IL15RA: variants seen among roughly 807,000 people sequenced by gnomAD.
IL15RA encodes interleukin 15 receptor subunit alpha.
Under a neutral mutation model 24.2 loss-of-function variants are expected in IL15RA, and 26 were observed. That is an observed-to-expected ratio of 1.07 (90% CI 0.79 to 1.49). IL15RA has a LOEUF of 1.49. Among genes scored for constraint, IL15RA ranks in the 40% most tolerant of loss-of-function variants. IL15RA has a pLI of 0.00. For synonymous variants in IL15RA, 166 were observed against 157.6 expected (o/e 1.05, Z -0.40); for missense variants, 354 against 356.4 (o/e 0.99, Z 0.05).
In IL15RA at chr10:5,953,729, T is replaced by C; in HGVS notation, c.693-523A>G. 1 of 232,382 alleles carries C rather than the reference T, an allele frequency of 4.3e-6. No homozygotes were observed. Among genetic ancestry groups the C allele is most frequent in the South Asian group, 9.3e-5 (1 of 10,780 alleles). 14.4% of individuals were successfully genotyped at this position (232,382 alleles called of 1,614,324 possible). A position where few individuals can be genotyped will look rare whatever the true frequency, so the allele number is the denominator to read the frequency against. On this transcript the variant is annotated intron_variant, in intron 6 of 6. Transcript: ENST00000379977. The surrounding 1 kb of genome is among the most constrained non-coding windows in gnomAD (Gnocchi z 5.3). ...AGTTGATCATCTTGAAAAAAGTGAT[T>C]TAATATTCATGAAGCTTTTAAAAAC... is the stretch of plus-strand genomic sequence containing the variant.
chr10:5,966,400 C>A lies in IL15RA; in HGVS notation c.89-61G>T. The A allele has an allele frequency of 7.3e-7, 1 of 1,378,610 alleles. No homozygotes were observed. Among genetic ancestry groups the A allele is most frequent in the Admixed American group, 1.7e-5 (1 of 57,384 alleles). 85.4% of individuals were successfully genotyped at this position (1,378,610 alleles called of 1,614,324 possible). A position where few individuals can be genotyped will look rare whatever the true frequency, so the allele number is the denominator to read the frequency against. On this transcript the variant is annotated intron_variant, in intron 1 of 6. Transcript: ENST00000379977. The surrounding 1 kb of genome is among the most constrained non-coding windows in gnomAD (Gnocchi z 6.4). ...GTTTCCACTTGTAAGAGGCGTTCTC[C>A]AGGCACACGCAGCGGTAGTCAGTGT...
At chr10:5,976,925 C>T (rs892981994) in intron 1 of IL15RA, 1 of 153,292 alleles carries the variant, frequency 6.5e-6, no homozygotes, top group African/African-American at 2.4e-5. Context: ...CCCCACCCTC[C>T]CAGCTCCCAC....
At chr10:5,977,527 GGGCGAGCGCTGCCCAGGCCGGGGGGAGGT>G (rs1838659303) in exon 1 of IL15RA, 2 of 1,308,384 alleles carry the variant, frequency 1.5e-6, no homozygotes, top group South Asian at 2.1e-5. Context: ...TGGACTCCCC[GGGCGAGCGCTGCCCAGGCCGGGGGGAGGT>G]GGCGAGCGCT....
In IL15RA at chr10:5,952,633, C is replaced by A; in HGVS notation, c.*462G>T. ...CAGCTGGAGACAGGGTGGTTAGAAG[C>A]CCAAACGCTGGTGTCTTCCCTGTAG... is the stretch of plus-strand genomic sequence containing the variant. On this transcript the variant is annotated 3_prime_UTR_variant, in exon 7 of 7. Transcript: ENST00000379977. 1 of 174,842 alleles carries A rather than the reference C, an allele frequency of 5.7e-6. No homozygotes were observed. Among genetic ancestry groups the A allele is most frequent in the Middle Eastern group, 2.1e-3 (1 of 470 alleles). 10.8% of individuals were successfully genotyped at this position (174,842 alleles called of 1,614,324 possible).
chr10:5,969,006 T>A, intron 1 of IL15RA: 2 of 1,529,472 alleles, frequency 1.3e-6, no homozygotes, highest in South Asian at 1.2e-5. Context: ...TTGTGTAGGA[T>A]CCTGAGCAAG....
rs373416827 is a variant in IL15RA at position 5,960,356 on chromosome 10, C to T, written c.583+11G>A. On this transcript the variant is annotated intron_variant, in intron 4 of 6. Coordinates refer to ENST00000379977, the MANE Select transcript of IL15RA (RefSeq NM_002189.4). The surrounding 1 kb of genome is among the most constrained non-coding windows in gnomAD (Gnocchi z 5.1). ...GGAACTGACCTCTCCTGGGGCAAAG[C>T]GAGTGCTAACCTGGCGGCTGGTGGG... The T allele has an allele frequency of 2.7e-5, 43 of 1,613,302 alleles. No homozygotes were observed. The highest frequency in any genetic ancestry group is 1.8e-4 in the Admixed American group (11 of 59,992).
At position 5,958,034 on chromosome 10, in the gene IL15RA, G is replaced by C. The variant is rs546186062; in HGVS notation, c.617-1580C>G. ...AGGATTTTATCCTACAGATGTTCTT[G>C]CACCTATGGATTTTCAATTAATGGC... On this transcript the variant is annotated intron_variant, in intron 5 of 6. Transcript: ENST00000379977. This position sits in a 1 kb window ranked among gnomAD's most constrained non-coding sequence, Gnocchi z 4.3. Among the ~76,000 whole-genome samples the C allele has an allele frequency of 6.6e-6, 1 of 152,284 alleles. No individual in the cohort carries two copies. The highest frequency in any genetic ancestry group is 1.9e-4 in the East Asian group (1 of 5,192).
rs1834983354 is a variant in IL15RA at position 5,958,808 on chromosome 10, A to C, written c.616+946T>G. ...ACCACAAAAATATGAGTCATTCTCT[A>C]GCAGAAAAATTTATGAACAGAAGAT... is the stretch of plus-strand genomic sequence containing the variant. On this transcript the variant is annotated intron_variant, in intron 5 of 6. Coordinates refer to ENST00000379977, the MANE Select transcript of IL15RA (RefSeq NM_002189.4). The surrounding 1 kb of genome is among the most constrained non-coding windows in gnomAD (Gnocchi z 4.3). Among the ~76,000 whole-genome samples, 1 of 152,232 alleles carries C rather than the reference A, an allele frequency of 6.6e-6. No individual in the cohort carries two copies. The highest frequency in any genetic ancestry group is 1.5e-5 in the Non-Finnish European group (1 of 68,042).
chr10:5,954,401 G>A (rs1020345401), intron 6 of IL15RA, among the ~76,000 whole-genome samples: 2 of 151,436 alleles, frequency 1.3e-5, no homozygotes, highest in African/African-American at 2.4e-5. Context: ...CACTATGCCC[G>A]ACCATGCCAA....
chr10:5,972,496 G>A (rs8177659), intron 1 of IL15RA, among the ~76,000 whole-genome samples: 1,636 of 152,278 alleles, frequency 0.011, 27 homozygotes, highest in African/African-American at 0.037. Context: ...GACAAGATCA[G>A]CTATAATTAA....
chr10:5,973,086 C>T lies in IL15RA; in HGVS notation c.88+4319G>A, dbSNP rs1032485153. ...AGCAGTCTTCTCAGTTGCTTCTGGC[C>T]ATCGCCCGCAATCTTTCAGACTGAA... On this transcript the variant is annotated intron_variant, in intron 1 of 6. Transcript: ENST00000379977. The surrounding 1 kb of genome is among the most constrained non-coding windows in gnomAD (Gnocchi z 4.5). Among the ~76,000 whole-genome samples the T allele has an allele frequency of 6.6e-6, 1 of 152,198 alleles. No homozygotes were observed. The highest frequency in any genetic ancestry group is 6.5e-5 in the Admixed American group (1 of 15,272).
At chr10:5,977,799 C>T (rs959841102), upstream of IL15RA, 8 of 451,896 alleles carry the variant, frequency 1.8e-5, no homozygotes, top group Non-Finnish European at 2.5e-5. Flanking sequence ...GGGAGCCTCC[C>T]GGTCCTCCGC....
chr10:5,950,340 T>G (rs11256090), downstream of IL15RA, among the ~76,000 whole-genome samples: 9,605 of 152,192 alleles, frequency 0.063, 516 homozygotes, highest in African/African-American at 0.15. This position sits in a 1 kb window ranked among gnomAD's most constrained non-coding sequence, Gnocchi z 5.6. Context: ...TATTGTGTGA[T>G]GCTGAGATTT....
In IL15RA at chr10:5,964,642, T is replaced by G. The variant is rs1836188798; in HGVS notation, c.284-801A>C. Among the ~76,000 whole-genome samples the G allele has an allele frequency of 6.6e-6, 1 of 152,150 alleles. No homozygotes were observed. Among genetic ancestry groups the G allele is most frequent in the Non-Finnish European group, 1.5e-5 (1 of 68,020 alleles). On this transcript the variant is annotated intron_variant, in intron 2 of 6. Coordinates refer to ENST00000379977, the MANE Select transcript of IL15RA (RefSeq NM_002189.4). This position sits in a 1 kb window ranked among gnomAD's most constrained non-coding sequence, Gnocchi z 5.6. ...CCTGATTCCGGGTTCTCTTCTTTCC[T>G]CTCCCATCCTGACCCTGGAGCCCAT... is the stretch of plus-strand genomic sequence containing the variant.
chr10:5,967,513 C>T lies in IL15RA; in HGVS notation c.89-1174G>A, dbSNP rs915150552. Among the ~76,000 whole-genome samples, 4 of 152,244 alleles carry T rather than the reference C, an allele frequency of 2.6e-5. No homozygotes were observed. The highest frequency in any genetic ancestry group is 5.9e-5 in the Non-Finnish European group (4 of 68,030). ...CCACCGCACCCGGCCAAGATCAGATCATTCCTTTGCAACTGCAAAGACACC... is the reference window on the plus strand; with the variant it reads ...CCACCGCACCCGGCCAAGATCAGATTATTCCTTTGCAACTGCAAAGACACC... On this transcript the variant is annotated intron_variant, in intron 1 of 6. Coordinates refer to ENST00000379977, the MANE Select transcript of IL15RA (RefSeq NM_002189.4). This position sits in a 1 kb window ranked among gnomAD's most constrained non-coding sequence, Gnocchi z 4.4.
chr10:5,953,931 T>C lies in IL15RA; in HGVS notation c.693-725A>G, dbSNP rs1047254495. On this transcript the variant is annotated intron_variant, in intron 6 of 6. Coordinates refer to ENST00000379977, the MANE Select transcript of IL15RA (RefSeq NM_002189.4). This position sits in a 1 kb window ranked among gnomAD's most constrained non-coding sequence, Gnocchi z 5.3. ...GCACCTTCTACCAGGGCTGGTGAAA[T>C]GTCCCTCCGGAGGAGCAGCAGCTCT... is the stretch of plus-strand genomic sequence containing the variant. 6.5e-6 allele frequency: 1 copy of C among 153,736 alleles called. No individual in the cohort carries two copies. Among genetic ancestry groups the C allele is most frequent in the Admixed American group, 6.4e-5 (1 of 15,562 alleles). 9.5% of individuals were successfully genotyped at this position (153,736 alleles called of 1,614,324 possible).
In IL15RA at chr10:5,968,918, G is replaced by A. The variant is rs1262711249; in HGVS notation, c.89-2579C>T. The stretch of plus-strand genomic sequence containing the variant: ...TCCTTCCCGCCAGGACAGCCAGCCT[G>A]TCTCTTGCATCTGTAACAGGTTTTG... On this transcript the variant is annotated intron_variant, in intron 1 of 6. Transcript: ENST00000379977. This position sits in a 1 kb window ranked among gnomAD's most constrained non-coding sequence, Gnocchi z 5.4. 4.6e-6 allele frequency: 7 copies of A among 1,520,780 alleles called. No homozygotes were observed. The highest frequency in any genetic ancestry group is 6.2e-6 in the Non-Finnish European group (7 of 1,133,512). The allele number at this position is 1,520,780 out of a possible 1,614,324, so 94.2% of individuals were successfully genotyped here. A position where few individuals can be genotyped will look rare whatever the true frequency, so the allele number is the denominator to read the frequency against.
rs986465446 is a variant in IL15RA, at chr10:5,963,334, T to C, written c.382+409A>G. Among the ~76,000 whole-genome samples the C allele has an allele frequency of 1.3e-5, 2 of 152,200 alleles. No individual in the cohort carries two copies. Among genetic ancestry groups the C allele is most frequent in the African/African-American group, 2.4e-5 (1 of 41,454 alleles). On this transcript the variant is annotated intron_variant, in intron 3 of 6. Coordinates refer to ENST00000379977, the MANE Select transcript of IL15RA (RefSeq NM_002189.4). The surrounding 1 kb of genome is among the most constrained non-coding windows in gnomAD (Gnocchi z 5.3). ...GCTGGCTAGGGGACGAGGGAATTGATGTAAACATGCTGAAGCTCCCGCTGC... is the reference window on the plus strand; with the variant it reads ...GCTGGCTAGGGGACGAGGGAATTGACGTAAACATGCTGAAGCTCCCGCTGC...
upstream of IL15RA, chr10:5,977,787 C>A: frequency 1.9e-6 from 1 of 519,298 alleles, no homozygotes; most frequent in Non-Finnish European, 3.0e-6. Context: ...CCACGCAAGC[C>A]CGGGAGCCTC....
Sources: allele counts gnomAD v4.1 joint callset (sites outside exome capture counted in the v4.1 genomes callset), GRCh38; gene constraint gnomAD v4.1.1; non-coding constraint Gnocchi (gnomAD v3.1); transcripts MANE v1.5; gene names NCBI Gene and HGNC (gene_info 2026-07-23, HGNC 2026-07-21).